The following KCNN2 variants were observed in gnomAD, a reference collection of about 807,000 sequenced individuals.
The protein encoded by KCNN2 is potassium calcium-activated channel subfamily N member 2, also known as small conductance calcium-activated potassium channel protein 2.
Under a neutral mutation model 55.5 loss-of-function variants are expected in KCNN2, and 24 were observed. That is an observed-to-expected ratio of 0.43 (90% confidence interval 0.31 to 0.61). The LOEUF (loss-of-function observed/expected upper bound fraction) is 0.61, where lower values mean the gene tolerates loss of function less well. Among genes scored for constraint, KCNN2 ranks in the 20% least tolerant of loss-of-function variants. The pLI is 0.08. For missense variants in KCNN2, 754 were observed against 853.6 expected (o/e 0.88, Z 1.45); for synonymous variants, 431 against 336.1 (o/e 1.28, Z -3.09).
intron 3 of KCNN2, among the ~76,000 whole-genome samples, chr5:114,420,898 T>C (rs899217353): frequency 2.0e-5 from 3 of 152,176 alleles, no homozygotes; most frequent in African/African-American, 4.8e-5. Context: ...ACTATCATTT[T>C]ATGGCAATTT....
At chr5:114,271,739 T>C (rs1292489944) in intron 2 of KCNN2, among the ~76,000 whole-genome samples, 2 of 152,164 alleles carry the variant, frequency 1.3e-5, no homozygotes, top group Non-Finnish European at 2.9e-5. Context: ...TATATAACAT[T>C]TTTTAAAATT....
At chr5:114,347,991 C>A (rs868156290) in intron 2 of KCNN2, among the ~76,000 whole-genome samples, 50 of 152,192 alleles carry the variant, frequency 3.3e-4, no homozygotes, top group Middle Eastern at 3.4e-3. Flanking sequence ...TCAAGTGAGA[C>A]CCTTGCTAAC....
chr5:114,357,213 A>T (rs1757310998), upstream of KCNN2, among the ~76,000 whole-genome samples: 1 of 152,086 alleles, frequency 6.6e-6, no homozygotes, highest in African/African-American at 2.4e-5. Context: ...TAGCATAGAC[A>T]ATACTATAAA....
At chr5:114,440,409 T>C (rs923494313) in intron 3 of KCNN2, among the ~76,000 whole-genome samples, 1 of 152,120 alleles carries the variant, frequency 6.6e-6, no homozygotes, top group African/African-American at 2.4e-5. Context: ...CTCACTAAAA[T>C]AACTTCTAAA....
chr5:114,266,890 C>A (rs1166842387), intron 2 of KCNN2, among the ~76,000 whole-genome samples: 1 of 152,138 alleles, frequency 6.6e-6, no homozygotes, highest in Admixed American at 6.5e-5. Context: ...TATGCCCACA[C>A]TGTATTCATA....
At chr5:114,477,767 A>G (rs1231144208) in intron 5 of KCNN2, among the ~76,000 whole-genome samples, 1 of 152,224 alleles carries the variant, frequency 6.6e-6, no homozygotes, top group African/African-American at 2.4e-5. Flanking sequence ...CTTGAAAACA[A>G]GCAATTCCAA....
At chr5:114,456,560 T>G (rs1207089750) in intron 3 of KCNN2, among the ~76,000 whole-genome samples, 2 of 152,162 alleles carry the variant, frequency 1.3e-5, no homozygotes, top group African/African-American at 2.4e-5. Flanking sequence ...GACTCTCAAG[T>G]CATATTATTT....
intron 1 of KCNN2, among the ~76,000 whole-genome samples, chr5:114,069,648 A>T (rs1407393934): frequency 6.6e-6 from 1 of 152,198 alleles, no homozygotes; most frequent in African/African-American, 2.4e-5. Context: ...AAGTTAATAA[A>T]GCTTGTTCTG....
At chr5:114,329,581 T>C (rs1756771858) in intron 2 of KCNN2, among the ~76,000 whole-genome samples, 1 of 152,138 alleles carries the variant, frequency 6.6e-6, no homozygotes. Flanking sequence ...GACTGAAAGG[T>C]GCACTGTTGG....
intron 2 of KCNN2, among the ~76,000 whole-genome samples, chr5:114,341,646 G>T (rs1472984553): frequency 1.3e-5 from 2 of 151,896 alleles, no homozygotes; most frequent in African/African-American, 2.4e-5. Context: ...GATAGTAAAA[G>T]AAAATATTTC....
chr5:114,449,631 T>C (rs1362400657), intron 3 of KCNN2, among the ~76,000 whole-genome samples: 1 of 152,168 alleles, frequency 6.6e-6, no homozygotes, highest in Non-Finnish European at 1.5e-5. Context: ...TGAACCCAGC[T>C]CAGTTCCTCC....
intron 1 of KCNN2, among the ~76,000 whole-genome samples, chr5:114,073,799 AC>A (rs1750625686): frequency 6.6e-6 from 1 of 152,232 alleles, no homozygotes; most frequent in Non-Finnish European, 1.5e-5. Flanking sequence ...AATGCTACTT[AC>A]AAATAAAGCA....
intron 3 of KCNN2, among the ~76,000 whole-genome samples, chr5:114,454,627 C>G (rs79861477): frequency 1.3e-5 from 2 of 152,180 alleles, no homozygotes; most frequent in Non-Finnish European, 2.9e-5. Context: ...AGCTTAGAAA[C>G]TTGAACTTAA....
chr5:114,307,863 G>A (rs1756315458), intron 2 of KCNN2, among the ~76,000 whole-genome samples: 1 of 151,942 alleles, frequency 6.6e-6, no homozygotes, highest in African/African-American at 2.4e-5. Context: ...GGATCCATGG[G>A]TGCCTGCCAG....
At chr5:114,387,700 G>C (rs1758327148) in intron 2 of KCNN2, among the ~76,000 whole-genome samples, 2 of 152,072 alleles carry the variant, frequency 1.3e-5, no homozygotes, top group Non-Finnish European at 2.9e-5. Flanking sequence ...CTCCAATAGA[G>C]CCTCTTTGTT....
intron 1 of KCNN2, among the ~76,000 whole-genome samples, chr5:114,142,159 G>A (rs1044891583): frequency 6.6e-6 from 1 of 152,062 alleles, no homozygotes; most frequent in Non-Finnish European, 1.5e-5. Context: ...GTCAATTTTG[G>A]CTTTTGTTGC....
At chr5:114,291,460 A>G (rs535953269) in intron 2 of KCNN2, among the ~76,000 whole-genome samples, 68 of 152,134 alleles carry the variant, frequency 4.5e-4, no homozygotes, top group African/African-American at 1.6e-3. Context: ...TGTCCTTGCA[A>G]TAGTTTGCTG....
At chr5:114,440,166 A>T (rs1486899951) in intron 3 of KCNN2, among the ~76,000 whole-genome samples, 1 of 152,194 alleles carries the variant, frequency 6.6e-6, no homozygotes, top group African/African-American at 2.4e-5. Flanking sequence ...ACATGTAGAC[A>T]CATGAACGTA....
chr5:114,440,447 T>G (rs1275604241), intron 3 of KCNN2, among the ~76,000 whole-genome samples: 3 of 152,036 alleles, frequency 2.0e-5, no homozygotes, highest in Non-Finnish European at 4.4e-5. Context: ...AGGGATGAGA[T>G]CCCAGAAAGG....
Sources: gnomAD v4.1 joint callset for allele counts (sites outside exome capture counted in the v4.1 genomes callset) on GRCh38, gnomAD v4.1.1 for gene constraint, MANE v1.5 for transcripts, NCBI Gene and HGNC (gene_info 2026-07-23, HGNC 2026-07-21) for gene names.